The following CENPO variants were observed in gnomAD, a reference collection of about 807,000 sequenced individuals.
The protein encoded by CENPO is centromeric protein O.
In CENPO, 30 loss-of-function variants were observed where a neutral mutation model predicts 36.1. The ratio of observed to expected loss-of-function variants is 0.83; its 90% confidence interval spans 0.62 to 1.13. The LOEUF (loss-of-function observed/expected upper bound fraction) is 1.13, where lower values mean the gene tolerates loss of function less well. CENPO is among the 50% of genes most tolerant of loss of function. The probability of loss-of-function intolerance (pLI) is 0.00; values close to 1 mark genes in which losing one functional copy is unlikely to be tolerated. For missense variants in CENPO, 349 were observed against 357.8 expected (o/e 0.98, Z 0.20); for synonymous variants, 171 against 142.3 (o/e 1.20, Z -1.44).
chr2:24,820,780 T>C lies in CENPO; in HGVS notation c.*1462T>C. 6.2e-7 allele frequency: 1 copy of C among 1,614,118 alleles called. No individual in the cohort carries two copies. The highest frequency in any genetic ancestry group is 8.5e-7 in the Non-Finnish European group (1 of 1,180,016). ...ATCCTGCTGGCTACATTGACTGTAT[T>C]GCCCCAGATGTCGTAGTGTGGTTTC... On this transcript the variant is annotated 3_prime_UTR_variant, in exon 8 of 8. Transcript: ENST00000380834.
In CENPO at chr2:24,820,514, C is replaced by A; in HGVS notation, c.*1196C>A. ...AAAGGTAGGCCATATGCATCTAGAA[C>A]TTCAGCCCAGATTTTGTGGATGGGT... On this transcript the variant is annotated 3_prime_UTR_variant, in exon 8 of 8. Coordinates refer to ENST00000380834, the MANE Select transcript of CENPO (RefSeq NM_001322101.2). 1.4e-6 allele frequency: 2 copies of A among 1,410,838 alleles called. No homozygotes were observed. Among genetic ancestry groups the A allele is most frequent in the Non-Finnish European group, 1.8e-6 (2 of 1,083,278 alleles). The allele number at this position is 1,410,838 out of a possible 1,614,324, so 87.4% of individuals were successfully genotyped here.
intron 3 of CENPO, among the ~76,000 whole-genome samples, chr2:24,810,728 G>A (rs1666637950): frequency 1.3e-5 from 2 of 151,936 alleles, no homozygotes; most frequent in African/African-American, 4.8e-5. Flanking sequence ...GGCTGGTCTC[G>A]AACTCCTGAC....
At chr2:24,815,445 A>G in intron 4 of CENPO, 52 bp from the exon 5 acceptor site, 1 of 1,515,194 alleles carries the variant, frequency 6.6e-7, no homozygotes, top group Non-Finnish European at 9.1e-7. Flanking sequence ...ACAGATGAGT[A>G]AGACATCACC....
At chr2:24,807,925 C>T (rs1666492737) in intron 3 of CENPO, among the ~76,000 whole-genome samples, 1 of 152,198 alleles carries the variant, frequency 6.6e-6, no homozygotes, top group Admixed American at 6.5e-5. Flanking sequence ...TCTTCTGTTG[C>T]AAAGTGTGCT....
At chr2:24,816,918 T>C in intron 6 of CENPO, 101 bp downstream of exon 6, 1 of 1,160,670 alleles carries the variant, frequency 8.6e-7, no homozygotes, top group South Asian at 1.6e-5. Flanking sequence ...TTGAGACACT[T>C]TCTCTGTTTA....
chr2:24,820,222 G>T lies in CENPO; in HGVS notation c.*904G>T. On this transcript the variant is annotated 3_prime_UTR_variant, in exon 8 of 8. Coordinates refer to ENST00000380834, the MANE Select transcript of CENPO (RefSeq NM_001322101.2). ...CCGAGCACTGATCCATGGGTCCCAA[G>T]CAGTACGGGACACTCCCCAAACCTC... The T allele has an allele frequency of 8.1e-7, 1 of 1,231,756 alleles. No homozygotes were observed. Among genetic ancestry groups the T allele is most frequent in the Non-Finnish European group, 1.1e-6 (1 of 909,876 alleles). 76.3% of individuals were successfully genotyped at this position (1,231,756 alleles called of 1,614,324 possible).
At position 24,820,284 on chromosome 2, in the gene CENPO, G is replaced by C; in HGVS notation, c.*966G>C. On this transcript the variant is annotated 3_prime_UTR_variant, in exon 8 of 8. Coordinates refer to ENST00000380834, the MANE Select transcript of CENPO (RefSeq NM_001322101.2). ...CCCTTCCACCCGTGGCGAGCAGCGG[G>C]TGGGAAGGAGAACCCTGGAGTGACT... 7 of 1,264,578 alleles carry C rather than the reference G, an allele frequency of 5.5e-6. No individual in the cohort carries two copies. The highest frequency in any genetic ancestry group is 7.2e-6 in the Non-Finnish European group (7 of 974,722). The allele number at this position is 1,264,578 out of a possible 1,614,324, so 78.3% of individuals were successfully genotyped here. A position where few individuals can be genotyped will look rare whatever the true frequency, so the allele number is the denominator to read the frequency against.
chr2:24,815,638 T>C lies in CENPO; in HGVS notation c.476T>C (p.Ile159Thr), dbSNP rs770888598. The change falls in exon 5 of 8, where the codon ATT (isoleucine) becomes ACT (threonine). Residue 159 changes from isoleucine (I) to threonine (T), a missense_variant. Ile to Thr is a moderately conservative substitution (Grantham distance 89, BLOSUM62 -1). Coordinates refer to ENST00000380834, the MANE Select transcript of CENPO (RefSeq NM_001322101.2). ...RIHHHSVPVF[I>T]PLEEIAAKYL... Reference sequence around the variant, plus strand: ...CATCACCATTCAGTCCCAGTCTTCATTCCCCTGGAAGAGATAGCTGCAAAA... The same window carrying C: ...CATCACCATTCAGTCCCAGTCTTCACTCCCCTGGAAGAGATAGCTGCAAAA... The C allele has an allele frequency of 2.5e-6, 4 of 1,614,084 alleles. No homozygotes were observed. In the African/African-American group the frequency reaches 5.3e-5, roughly 22 times the overall value.
rs1433194111 is a variant in CENPO, at chr2:24,822,360, C to G, written c.*3042C>G. ...TGCTTGCCGAACTTTCTCAATAAAC[C>G]CTATTTCTTATTTATATTTACGTGG... is the stretch of plus-strand genomic sequence containing the variant. On this transcript the variant is annotated 3_prime_UTR_variant, in exon 8 of 8. Transcript: ENST00000380834. 7.0e-6 allele frequency: 8 copies of G among 1,136,740 alleles called. No homozygotes were observed. The highest frequency in any genetic ancestry group is 3.1e-4 in the Middle Eastern group (1 of 3,214). 70.4% of individuals were successfully genotyped at this position (1,136,740 alleles called of 1,614,324 possible). A position where few individuals can be genotyped will look rare whatever the true frequency, so the allele number is the denominator to read the frequency against.
chr2:24,817,920 A>AC, intron 7 of CENPO, 79 bp downstream of exon 7: 1 of 1,181,772 alleles, frequency 8.5e-7, no homozygotes, highest in South Asian at 1.5e-5. Flanking sequence ...TGATGAAAAC[A>AC]GACACCTACC....
At chr2:24,818,309 G>GAAAC (rs1215417978) in intron 7 of CENPO, among the ~76,000 whole-genome samples, 1 of 151,950 alleles carries the variant, frequency 6.6e-6, no homozygotes, top group South Asian at 2.1e-4. Flanking sequence ...ATTCTGTTGA[G>GAAAC]AAACACTGAT....
At chr2:24,807,865 A>C (rs1666489763) in intron 3 of CENPO, among the ~76,000 whole-genome samples, 1 of 152,188 alleles carries the variant, frequency 6.6e-6, no homozygotes, top group African/African-American at 2.4e-5. Flanking sequence ...TTGAATTTGC[A>C]TTTGCTTCAT....
intron 5 of CENPO, 149 bp from the exon 6 acceptor site, chr2:24,816,497 C>T (rs538100521): frequency 2.6e-4 from 166 of 647,930 alleles, no homozygotes; most frequent in South Asian, 1.2e-3. Context: ...TTCATTAGTC[C>T]TTTTTTCAGA....
At chr2:24,813,198 A>G (rs953424734) in intron 3 of CENPO, among the ~76,000 whole-genome samples, 1 of 152,144 alleles carries the variant, frequency 6.6e-6, no homozygotes, top group Non-Finnish European at 1.5e-5. Context: ...GTGAGCCGAG[A>G]TTGTGCCATT....
chr2:24,806,548 C>T (rs1666414752), intron 3 of CENPO, among the ~76,000 whole-genome samples: 3 of 152,174 alleles, frequency 2.0e-5, no homozygotes, highest in Admixed American at 1.3e-4. Context: ...CCCTAATAAA[C>T]ACCTAAGTTT....
chr2:24,818,974 G>T (rs918363201), intron 7 of CENPO, among the ~76,000 whole-genome samples: 3 of 152,254 alleles, frequency 2.0e-5, no homozygotes, highest in Non-Finnish European at 4.4e-5. Context: ...ATTAAAGCCA[G>T]CTTGGAGTAC....
At chr2:24,816,146 G>C (rs987176688) in intron 5 of CENPO, 9 of 210,306 alleles carry the variant, frequency 4.3e-5, no homozygotes, top group Admixed American at 3.7e-4. Context: ...CAGTGCCATG[G>C]AACAATGCTG....
intron 2 of CENPO, among the ~76,000 whole-genome samples, chr2:24,798,399 G>A (rs964845852): frequency 5.3e-5 from 8 of 152,078 alleles, no homozygotes; most frequent in Admixed American, 4.6e-4. Flanking sequence ...GAAAGCAAGG[G>A]GATAGGCCTC....
At chr2:24,818,215 A>C (rs1007110990) in intron 7 of CENPO, among the ~76,000 whole-genome samples, 1 of 152,218 alleles carries the variant, frequency 6.6e-6, no homozygotes, top group African/African-American at 2.4e-5. Flanking sequence ...ATTTAATGCC[A>C]GGAATAGAGA....
Sources: gnomAD v4.1 joint callset for allele counts (sites outside exome capture counted in the v4.1 genomes callset) on GRCh38, gnomAD v4.1.1 for gene constraint, MANE v1.5 for transcripts, NCBI Gene and HGNC (gene_info 2026-07-23, HGNC 2026-07-21) for gene names.